MACROD2: variants seen among roughly 807,000 people sequenced by gnomAD.
The protein encoded by MACROD2 is ADP-ribose glycohydrolase MACROD2.
MACROD2 carries 36 observed loss-of-function variants against 70.4 expected under a neutral mutation model. That is an observed-to-expected ratio of 0.51 (90% CI 0.39 to 0.68). The LOEUF is 0.68. Among genes scored for constraint, MACROD2 ranks in the 30% least tolerant of loss-of-function variants. The pLI is 0.00. For synonymous variants in MACROD2, 172 were observed against 178.8 expected (o/e 0.96, Z 0.30); for missense variants, 496 against 538.4 (o/e 0.92, Z 0.78).
At chr20:15,837,497 G>A (rs34923976) in intron 8 of MACROD2, among the ~76,000 whole-genome samples, 3,983 of 152,182 alleles carry the variant, frequency 0.026, 91 homozygotes, top group East Asian at 0.091. Context: ...TGTGTCCTCA[G>A]TAGCAGACAC....
intron 8 of MACROD2, among the ~76,000 whole-genome samples, chr20:15,843,232 T>A (rs2064193705): frequency 6.6e-6 from 1 of 152,206 alleles, no homozygotes; most frequent in African/African-American, 2.4e-5. Context: ...CATTTCCCTA[T>A]TCTTATTAAC....
In MACROD2 at chr20:15,862,864, G is replaced by T. The variant is rs369305668; in HGVS notation, c.727+38G>T. 5.4e-6 allele frequency: 8 copies of T among 1,487,956 alleles called. No individual in the cohort carries two copies. In the African/African-American group the frequency reaches 1.1e-4, roughly 21 times the overall value. The allele number at this position is 1,487,956 out of a possible 1,614,324, so 92.2% of individuals were successfully genotyped here. A position where few individuals can be genotyped will look rare whatever the true frequency, so the allele number is the denominator to read the frequency against. Reference sequence around the variant, plus strand: ...ACTTCTTGTTTTCTTTCAAATTGAGGATGGAAGAAGTGGAGCCGTCACTTC... The same window carrying T: ...ACTTCTTGTTTTCTTTCAAATTGAGTATGGAAGAAGTGGAGCCGTCACTTC... On this transcript the variant is annotated intron_variant, in intron 9 of 17. Transcript: ENST00000684519.
At chr20:15,824,247 C>T (rs1387624521) in intron 8 of MACROD2, among the ~76,000 whole-genome samples, 1 of 151,928 alleles carries the variant, frequency 6.6e-6, no homozygotes, top group Non-Finnish European at 1.5e-5. Flanking sequence ...GTGTCTCTCT[C>T]TCTCTCTCTC....
chr20:14,395,747 T>G (rs1003640048), intron 3 of MACROD2, among the ~76,000 whole-genome samples: 2 of 152,180 alleles, frequency 1.3e-5, no homozygotes, highest in Non-Finnish European at 2.9e-5. Flanking sequence ...CTCTAAGTAC[T>G]TCTTTAGCTG....
intron 5 of MACROD2, among the ~76,000 whole-genome samples, chr20:14,981,794 C>T (rs975037510): frequency 2.6e-4 from 40 of 152,098 alleles, no homozygotes; most frequent in African/African-American, 8.2e-4. Context: ...TGCCCAATCT[C>T]GGTTATGTCT....
Position 14,718,292 on chromosome 20 carries a change from C to CAAAAAAA in MACROD2, c.418+33353_418+33359dup, listed in dbSNP as rs11358439. Among the ~76,000 whole-genome samples, 33 of 54,646 alleles carry CAAAAAAA rather than the reference C, an allele frequency of 6.0e-4. 3 individuals are homozygous for CAAAAAAA. Among genetic ancestry groups the CAAAAAAA allele is most frequent in the East Asian group, 1.2e-3 (2 of 1,670 alleles). 35.8% of individuals were successfully genotyped at this position (54,646 alleles called of 152,430 possible). A position where few individuals can be genotyped will look rare whatever the true frequency, so the allele number is the denominator to read the frequency against. On this transcript the variant is annotated intron_variant, in intron 5 of 17. Transcript: ENST00000684519. ...TGGGCGACAGAGAGAGACTCTGTCT[C>CAAAAAAA]AAAAAAAAAAAAAAAAAAAAAAAAA... is the stretch of plus-strand genomic sequence containing the variant.
intron 3 of MACROD2, among the ~76,000 whole-genome samples, chr20:14,343,918 A>T (rs1019082631): frequency 6.6e-6 from 1 of 152,222 alleles, no homozygotes; most frequent in African/African-American, 2.4e-5. Context: ...CGTCATTTTG[A>T]AACCATCTTA....
chr20:15,412,257 G>C (rs1323065858), intron 6 of MACROD2, among the ~76,000 whole-genome samples: 3 of 152,052 alleles, frequency 2.0e-5, no homozygotes, highest in Non-Finnish European at 4.4e-5. Flanking sequence ...GTGGAGTTCA[G>C]TGGGATATAA....
At chr20:15,810,923 TAC>T (rs1428374373) in intron 8 of MACROD2, among the ~76,000 whole-genome samples, 10 of 144,342 alleles carry the variant, frequency 6.9e-5, no homozygotes, top group East Asian at 6.1e-4. Flanking sequence ...TTACACCTTA[TAC>T]AAAAATCAAT....
At chr20:15,307,016 CAG>C (rs2077704030) in intron 6 of MACROD2, among the ~76,000 whole-genome samples, 1 of 152,036 alleles carries the variant, frequency 6.6e-6, no homozygotes. Flanking sequence ...GAATGAGAAA[CAG>C]GGGTCTCTTT....
intron 15 of MACROD2, among the ~76,000 whole-genome samples, chr20:16,020,346 A>T (rs906627359): frequency 5.3e-5 from 8 of 151,846 alleles, no homozygotes; most frequent in Non-Finnish European, 1.0e-4. Context: ...TTCATCCTTC[A>T]GGGCTCAGCC....
chr20:15,064,409 T>G (rs1210136947), intron 5 of MACROD2, among the ~76,000 whole-genome samples: 1 of 152,210 alleles, frequency 6.6e-6, no homozygotes, highest in Non-Finnish European at 1.5e-5. Flanking sequence ...TGACTCGGAC[T>G]TCTGATGGGC....
chr20:14,741,301 T>A (rs944441968), intron 5 of MACROD2, among the ~76,000 whole-genome samples: 14 of 152,200 alleles, frequency 9.2e-5, no homozygotes, highest in Admixed American at 9.2e-4. Context: ...TACAGATTTC[T>A]AAAAATTATT....
At chr20:14,836,914 A>G (rs1399799073) in intron 5 of MACROD2, among the ~76,000 whole-genome samples, 1 of 152,118 alleles carries the variant, frequency 6.6e-6, no homozygotes, top group African/African-American at 2.4e-5. Flanking sequence ...TCCAAGAACT[A>G]TTTGGTGAAA....
intron 8 of MACROD2, among the ~76,000 whole-genome samples, chr20:15,587,154 G>A (rs531072204): frequency 6.6e-6 from 1 of 152,326 alleles, no homozygotes; most frequent in South Asian, 2.1e-4. Context: ...ATCATGGCAG[G>A]AGATGAAAGG....
chr20:15,609,754 C>T (rs1286590450), intron 8 of MACROD2, among the ~76,000 whole-genome samples: 1 of 152,196 alleles, frequency 6.6e-6, no homozygotes, highest in Non-Finnish European at 1.5e-5. Context: ...TCTGATTTCT[C>T]AATGCTTTAT....
chr20:15,305,853 A>G (rs748233028), intron 6 of MACROD2, among the ~76,000 whole-genome samples: 1 of 152,142 alleles, frequency 6.6e-6, no homozygotes. Flanking sequence ...ATTGTTTTGA[A>G]TGTAATGGTC....
intron 3 of MACROD2, among the ~76,000 whole-genome samples, chr20:14,309,835 G>A (rs1395526997): frequency 4.6e-5 from 7 of 152,100 alleles, no homozygotes; most frequent in Non-Finnish European, 1.0e-4. Flanking sequence ...GTTGAAAACT[G>A]TAAACATTTG....
intron 6 of MACROD2, among the ~76,000 whole-genome samples, chr20:15,239,286 A>G (rs565062732): frequency 1.6e-4 from 25 of 152,180 alleles, no homozygotes; most frequent in South Asian, 6.2e-4. Context: ...AGTAAAAACA[A>G]TAAAAAATTT....
Sources: allele counts gnomAD v4.1 joint callset (sites outside exome capture counted in the v4.1 genomes callset), GRCh38; gene constraint gnomAD v4.1.1; transcripts MANE v1.5; gene names NCBI Gene and HGNC (gene_info 2026-07-23, HGNC 2026-07-21).